The following NBPF11 variants were observed in gnomAD, a reference collection of about 807,000 sequenced individuals.
The protein encoded by NBPF11 is NBPF family member NBPF11.
In NBPF11, 72 loss-of-function variants were observed where a neutral mutation model predicts 93.9. The observed-to-expected ratio is 0.77, with a 90% CI of 0.63 to 0.93. NBPF11 has a LOEUF of 0.93. Ranked by LOEUF, NBPF11 falls within the 40% of genes least tolerant of loss-of-function variation. NBPF11 has a pLI of 0.00. For missense variants in NBPF11, 705 were observed against 802.2 expected (o/e 0.88, Z 1.46); for synonymous variants, 224 against 304.9 (o/e 0.73, Z 2.76).
chr1:148,129,125 G>A (rs2404381), intron 4 of NBPF11, among the ~76,000 whole-genome samples: 1 of 142,080 alleles, frequency 7.0e-6, no homozygotes, highest in Non-Finnish European at 1.5e-5. Flanking sequence ...ACGTGTATAT[G>A]TATTATTTAT....
intron 8 of NBPF11, 46 bp from the exon 9 acceptor site, chr1:148,122,312 G>A: frequency 1.9e-6 from 3 of 1,610,364 alleles, no homozygotes; most frequent in Non-Finnish European, 2.5e-6. Context: ...TAAACACAGA[G>A]GGATTGGACC....
At position 148,120,598 on chromosome 1, in the gene NBPF11, G is replaced by A. The variant is rs1240029409; in HGVS notation, c.891C>T (p.Pro297=). The A allele has an allele frequency of 2.7e-6, 4 of 1,496,926 alleles. No individual in the cohort carries two copies. The Admixed American group carries it at 5.0e-5, about 19-fold the overall frequency. The allele number at this position is 1,496,926 out of a possible 1,614,324, so 92.7% of individuals were successfully genotyped here. The part of the protein sequence containing the change: ...NILEINEKLC[P]QLAEKKQQFR... ...ACTGCTGTTTCTTCTCTGCCAGCTG[G>A]GGGCACAATTTCTCATTGATTTCTA... Residue 297 remains proline, a synonymous_variant, in exon 10 of 24, where the codon CCC becomes CCT. Coordinates refer to ENST00000682118, the MANE Select transcript of NBPF11 (RefSeq NM_001385469.3).
intron 15 of NBPF11, among the ~76,000 whole-genome samples, chr1:148,112,389 T>C (rs2149198458): frequency 7.3e-6 from 1 of 137,222 alleles, no homozygotes; most frequent in African/African-American, 2.8e-5. Context: ...CACCTGTGAG[T>C]AAGAACATGC....
chr1:148,147,784 C>T lies in NBPF11; in HGVS notation c.-549+3966G>A, dbSNP rs1399114521. Among the ~76,000 whole-genome samples the T allele has an allele frequency of 3.3e-3, 499 of 152,074 alleles. 13 individuals carry two copies. Among genetic ancestry groups the T allele is most frequent in the African/African-American group, 0.011 (468 of 41,372 alleles). On this transcript the variant is annotated intron_variant, in intron 1 of 23. Transcript: ENST00000682118. ...CACCCTGGCTCCAGGGGCCTCCCGG[C>T]AGTTGTGGGACGCTGACACCAATCA...
At chr1:148,147,387 G>A (rs1179177510) in intron 1 of NBPF11, among the ~76,000 whole-genome samples, 1 of 152,056 alleles carries the variant, frequency 6.6e-6, no homozygotes, top group Non-Finnish European at 1.5e-5. Context: ...CTGGGGCAGG[G>A]CCTACAGGGT....
At chr1:148,142,391 G>C (rs1672338409) in intron 2 of NBPF11, among the ~76,000 whole-genome samples, 1 of 151,818 alleles carries the variant, frequency 6.6e-6, no homozygotes, top group African/African-American at 2.4e-5. Context: ...ACTGAGTCTT[G>C]TCTTTGGATA....
At position 148,122,708 on chromosome 1, in the gene NBPF11, C is replaced by T. The variant is rs1239264054; in HGVS notation, c.566+21G>A. 15 of 1,608,218 alleles carry T rather than the reference C, an allele frequency of 9.3e-6. No individual in the cohort carries two copies. In the Admixed American group the frequency reaches 1.2e-4, roughly 13 times the overall value. ...TTCATATGTTACCACCCATTACTTGCTCCTGAGTATTCAATGTTACCTGGG... is the reference window on the plus strand; with the variant it reads ...TTCATATGTTACCACCCATTACTTGTTCCTGAGTATTCAATGTTACCTGGG... On this transcript the variant is annotated intron_variant, in intron 8 of 23. Transcript: ENST00000682118.
At chr1:148,151,283 C>T (rs1648245787) in intron 1 of NBPF11, among the ~76,000 whole-genome samples, 1 of 151,984 alleles carries the variant, frequency 6.6e-6, no homozygotes, top group African/African-American at 2.4e-5. Context: ...CCTGGCACAC[C>T]TGGCTTGCCC....
intron 1 of NBPF11, among the ~76,000 whole-genome samples, chr1:148,148,398 G>GT (rs1280213890): frequency 6.6e-6 from 1 of 152,152 alleles, no homozygotes; most frequent in African/African-American, 2.4e-5. Flanking sequence ...GGTCCCGCGT[G>GT]CTTGGGACTG....
At chr1:148,138,376 C>T (rs1330358487) in intron 2 of NBPF11, among the ~76,000 whole-genome samples, 2 of 151,714 alleles carry the variant, frequency 1.3e-5, no homozygotes, top group Admixed American at 1.3e-4. Flanking sequence ...CTCCTCAGCA[C>T]AGACCCTTTA....
intron 1 of NBPF11, chr1:148,149,492 A>G (rs1647710836): frequency 5.7e-6 from 9 of 1,592,696 alleles, no homozygotes; most frequent in African/African-American, 1.4e-5. Context: ...GCACAACGAC[A>G]TCGAGCTCTA....
intron 2 of NBPF11, among the ~76,000 whole-genome samples, chr1:148,140,602 T>A (rs1179419353): frequency 1.3e-5 from 2 of 149,544 alleles, no homozygotes; most frequent in Non-Finnish European, 3.0e-5. Context: ...AGGTGAAAGA[T>A]CTGAACACCT....
At chr1:148,116,888 C>T (rs1666690743) in intron 12 of NBPF11, among the ~76,000 whole-genome samples, 2 of 152,198 alleles carry the variant, frequency 1.3e-5, no homozygotes, top group Admixed American at 1.3e-4. Context: ...GTTTGCATTT[C>T]AAACCTAATT....
chr1:148,139,053 T>C (rs1374343873), intron 2 of NBPF11, among the ~76,000 whole-genome samples: 1 of 151,188 alleles, frequency 6.6e-6, no homozygotes, highest in Non-Finnish European at 1.5e-5. Context: ...ATGGCGCCGT[T>C]GCATTCGAGC....
At position 148,123,346 on chromosome 1, in the gene NBPF11, G is replaced by A. The variant is rs200990848; in HGVS notation, c.493+507C>T. Among the ~76,000 whole-genome samples the A allele has an allele frequency of 8.5e-5, 13 of 152,128 alleles. No individual in the cohort carries two copies. In the South Asian group the frequency reaches 1.4e-3, roughly 17 times the overall value. ...TCAAGTGCCTTCTCCAACACCACAC[G>A]GAGAGGGGCTTCATCTCATTTTGAA... is the stretch of plus-strand genomic sequence containing the variant. On this transcript the variant is annotated intron_variant, in intron 7 of 23. Transcript: ENST00000682118.
At chr1:148,127,639 A>G (rs1430474695) in intron 4 of NBPF11, among the ~76,000 whole-genome samples, 2 of 118,966 alleles carry the variant, frequency 1.7e-5, no homozygotes, top group Non-Finnish European at 3.4e-5. Flanking sequence ...TCTTGTTTTG[A>G]CTTTTTTTTT....
intron 4 of NBPF11, chr1:148,135,131 T>C (rs1244917848): frequency 2.0e-5 from 3 of 146,984 alleles, no homozygotes; most frequent in African/African-American, 8.2e-5. Flanking sequence ...TACCTCCAAA[T>C]GTTCCTCTGG....
rs1302305753 is a variant in NBPF11, at chr1:148,119,380, C to G, written c.989-658G>C. On this transcript the variant is annotated intron_variant, in intron 10 of 23. Coordinates refer to ENST00000682118, the MANE Select transcript of NBPF11 (RefSeq NM_001385469.3). ...GCCAATAAACGTTCTAGGAGATTGA[C>G]AAGAAATAGCTCATGTAATTCACTG... Among the ~76,000 whole-genome samples, 144 of 152,098 alleles carry G rather than the reference C, an allele frequency of 9.5e-4. 1 individual carries two copies. The highest frequency in any genetic ancestry group is 3.4e-3 in the African/African-American group (140 of 41,394).
At chr1:148,125,119 C>G (rs1668797919) in intron 5 of NBPF11, 118 bp from the exon 6 acceptor site, 1 of 770,034 alleles carries the variant, frequency 1.3e-6, no homozygotes, top group Non-Finnish European at 2.2e-6. Flanking sequence ...GTACCAGGGT[C>G]TAGACAGGGA....
Sources: gnomAD v4.1 joint callset for allele counts (sites outside exome capture counted in the v4.1 genomes callset) on GRCh38, gnomAD v4.1.1 for gene constraint, MANE v1.5 for transcripts, NCBI Gene and HGNC (gene_info 2026-07-23, HGNC 2026-07-21) for gene names.